The following TRDN variants were observed in gnomAD, a reference collection of about 807,000 sequenced individuals.
TRDN encodes the protein triadin in skeletal muscle.
TRDN carries 161 observed loss-of-function variants against 149.7 expected under a neutral mutation model. That is an observed-to-expected ratio of 1.08 (90% CI 0.95 to 1.23). The LOEUF (loss-of-function observed/expected upper bound fraction) is 1.23. TRDN is among the 50% of genes most tolerant of loss of function. TRDN has a pLI of 0.00. For missense variants in TRDN, 896 were observed against 823.5 expected (o/e 1.09, Z -1.08); for synonymous variants, 294 against 250.5 (o/e 1.17, Z -1.64).
chr6:123,587,011 C>G (rs574155246), intron 1 of TRDN, among the ~76,000 whole-genome samples: 1 of 151,992 alleles, frequency 6.6e-6, no homozygotes, highest in Admixed American at 6.6e-5. Context: ...GGTTGGGGTA[C>G]TTGCCCCTCC....
chr6:123,530,164 A>G (rs1249219622), intron 5 of TRDN, among the ~76,000 whole-genome samples: 1 of 151,988 alleles, frequency 6.6e-6, no homozygotes, highest in Admixed American at 6.6e-5. Context: ...AAAAAAAAAT[A>G]AACTCTGACT....
At chr6:123,590,046 A>C (rs1255002172) in intron 1 of TRDN, among the ~76,000 whole-genome samples, 1 of 152,198 alleles carries the variant, frequency 6.6e-6, no homozygotes, top group Non-Finnish European at 1.5e-5. Flanking sequence ...TTTAACAATT[A>C]CAATTTTTAA....
intron 20 of TRDN, among the ~76,000 whole-genome samples, chr6:123,359,306 T>C (rs1780807987): frequency 6.6e-6 from 1 of 152,166 alleles, no homozygotes; most frequent in African/African-American, 2.4e-5. Flanking sequence ...AAACAAGGCA[T>C]GTCTAAAGAT....
intron 10 of TRDN, among the ~76,000 whole-genome samples, chr6:123,443,500 G>A (rs1470344544): frequency 6.6e-6 from 1 of 152,036 alleles, no homozygotes; most frequent in Non-Finnish European, 1.5e-5. Flanking sequence ...ATTCAAAGAA[G>A]AGCCAGGCCT....
intron 13 of TRDN, among the ~76,000 whole-genome samples, chr6:123,390,099 C>G (rs930087472): frequency 2.0e-5 from 3 of 151,964 alleles, no homozygotes; most frequent in African/African-American, 7.2e-5. Context: ...ATAAAATTAC[C>G]CCCTCGAAGG....
At chr6:123,520,089 T>C (rs1405219799) in intron 5 of TRDN, among the ~76,000 whole-genome samples, 3 of 152,134 alleles carry the variant, frequency 2.0e-5, no homozygotes, top group Non-Finnish European at 4.4e-5. Flanking sequence ...TGTCTTTGTG[T>C]GTATGTTTCT....
chr6:123,245,999 A>G (rs537282238), intron 38 of TRDN, among the ~76,000 whole-genome samples: 1 of 152,316 alleles, frequency 6.6e-6, no homozygotes, highest in African/African-American at 2.4e-5. Flanking sequence ...TGGGTACATA[A>G]AGAAATGAAG....
At chr6:123,247,110 A>T (rs920584113) in intron 38 of TRDN, among the ~76,000 whole-genome samples, 1 of 152,198 alleles carries the variant, frequency 6.6e-6, no homozygotes, top group Non-Finnish European at 1.5e-5. Context: ...TCTCAAAATA[A>T]TAAGAGCTAT....
intron 24 of TRDN, among the ~76,000 whole-genome samples, chr6:123,310,624 A>G (rs1188566717): frequency 6.6e-6 from 1 of 152,002 alleles, no homozygotes; most frequent in African/African-American, 2.4e-5. Context: ...AGAATTTAAT[A>G]CCAGAAACGG....
chr6:123,372,916 GATAA>G (rs1781373556), intron 19 of TRDN, among the ~76,000 whole-genome samples: 2 of 152,086 alleles, frequency 1.3e-5, no homozygotes. Context: ...CTCACACTAT[GATAA>G]ATAAAGGAGT....
intron 10 of TRDN, among the ~76,000 whole-genome samples, chr6:123,448,838 A>G (rs894493480): frequency 5.9e-5 from 9 of 152,016 alleles, no homozygotes; most frequent in African/African-American, 2.2e-4. Flanking sequence ...TGCCACCTCC[A>G]CCAGAATAGG....
At chr6:123,484,747 T>C (rs747354662) in intron 9 of TRDN, among the ~76,000 whole-genome samples, 6 of 152,180 alleles carry the variant, frequency 3.9e-5, no homozygotes, top group Non-Finnish European at 8.8e-5. Context: ...GCCTCCTCTT[T>C]CGCAAGACTA....
At chr6:123,376,067 T>A (rs1781488805) in intron 18 of TRDN, among the ~76,000 whole-genome samples, 1 of 152,166 alleles carries the variant, frequency 6.6e-6, no homozygotes, top group Admixed American at 6.5e-5. Flanking sequence ...TGCTGCATTG[T>A]AATCACACAC....
At chr6:123,502,272 C>A in intron 8 of TRDN, 1 of 926,876 alleles carries the variant, frequency 1.1e-6, no homozygotes, top group Non-Finnish European at 1.3e-6. Context: ...TTACTTCATC[C>A]TTTTTGTCTA....
In TRDN at chr6:123,267,708, T is replaced by A; in HGVS notation, c.1782A>T (p.Thr594=). The A allele has an allele frequency of 6.4e-7, 1 of 1,571,444 alleles. No homozygotes were observed. The highest frequency in any genetic ancestry group is 8.6e-7 in the Non-Finnish European group (1 of 1,157,950). Residue 594 remains threonine, a splice_region_variant and synonymous_variant, in exon 32 of 41, where the codon ACA becomes ACT. Coordinates refer to ENST00000334268, the MANE Select transcript of TRDN (RefSeq NM_006073.4). ...HREREPPSIK[T]DKPKPTPKGT... is the part of the protein sequence containing the mutation. Reference sequence around the variant, plus strand: ...TATAAACCAAAAATGGTAAAATACCTGTTTTTATAGATGGAGGTTCTCTTT... The same window carrying A: ...TATAAACCAAAAATGGTAAAATACCAGTTTTTATAGATGGAGGTTCTCTTT...
intron 33 of TRDN, among the ~76,000 whole-genome samples, chr6:123,264,099 G>A (rs1343399684): frequency 6.6e-6 from 1 of 152,042 alleles, no homozygotes; most frequent in African/African-American, 2.4e-5. Flanking sequence ...GGACTAAAGA[G>A]TAATTTTGAC....
At chr6:123,592,293 T>C (rs1328543605) in intron 1 of TRDN, among the ~76,000 whole-genome samples, 1 of 152,224 alleles carries the variant, frequency 6.6e-6, no homozygotes, top group Admixed American at 6.5e-5. Context: ...TTTCAGTTTT[T>C]ACTAAGCAGG....
At chr6:123,399,753 T>C (rs1467051425) in intron 12 of TRDN, among the ~76,000 whole-genome samples, 1 of 152,190 alleles carries the variant, frequency 6.6e-6, no homozygotes, top group South Asian at 2.1e-4. Context: ...AGAATTTGCC[T>C]ACATCATTTT....
chr6:123,588,001 C>T (rs559306584), intron 1 of TRDN, among the ~76,000 whole-genome samples: 1 of 152,050 alleles, frequency 6.6e-6, no homozygotes, highest in African/African-American at 2.4e-5. Flanking sequence ...GGCTCAGAGG[C>T]CTGACAATGG....
Sources: gnomAD v4.1 joint callset for allele counts (sites outside exome capture counted in the v4.1 genomes callset) on GRCh38, gnomAD v4.1.1 for gene constraint, MANE v1.5 for transcripts, NCBI Gene and HGNC (gene_info 2026-07-23, HGNC 2026-07-21) for gene names.